NRG4: variants seen among roughly 807,000 people sequenced by gnomAD.
NRG4 encodes the protein pro-neuregulin-4, membrane-bound isoform.
A neutral mutation model predicts 15.0 loss-of-function variants in NRG4; 10 were observed. That is an observed-to-expected ratio of 0.67 (90% CI 0.41 to 1.13). The LOEUF is 1.13. Ranked by LOEUF, NRG4 falls within the 50% of genes most tolerant of loss-of-function variation. The probability of loss-of-function intolerance (pLI) is 0.00; values close to 1 mark genes in which losing one functional copy is unlikely to be tolerated. For missense variants in NRG4, 139 were observed against 140.2 expected (o/e 0.99, Z 0.04); for synonymous variants, 41 against 50.1 (o/e 0.82, Z 0.77).
At chr15:76,016,335 C>G (rs187167366), upstream of NRG4, among the ~76,000 whole-genome samples, 7 of 152,260 alleles carry the variant, frequency 4.6e-5, no homozygotes, top group East Asian at 1.3e-3. Context: ...GTCTCTATCT[C>G]CTTCAGACTG....
chr15:75,986,854 T>C (rs2033818252), intron 3 of NRG4, among the ~76,000 whole-genome samples: 1 of 152,106 alleles, frequency 6.6e-6, no homozygotes, highest in South Asian at 2.1e-4. Context: ...TGGGCTTGAA[T>C]TGCCCTGCCA....
chr15:76,036,194 T>C lies in NRG4; in HGVS notation c.-104-203A>G, dbSNP rs1262258538. 2.0e-5 allele frequency among the ~76,000 whole-genome samples: 3 copies of C among 152,346 alleles called. No homozygotes were observed. The East Asian group carries it at 5.8e-4, about 29-fold the overall frequency. On this transcript the variant is annotated intron_variant, in intron 4 of 8. Coordinates refer to the NRG4 transcript ENST00000563910. ...AGTCAGGCCCTGGTAAAAATTTCAC[T>C]AAGGTTCTACCACCTGATGTGGTCT...
At chr15:75,974,670 G>A (rs749164394) in intron 3 of NRG4, among the ~76,000 whole-genome samples, 6 of 152,170 alleles carry the variant, frequency 3.9e-5, no homozygotes, top group Non-Finnish European at 7.3e-5. Flanking sequence ...GTGTGGCTTT[G>A]AGTGAGTTTC....
At chr15:75,991,519 C>A (rs897752986) in intron 3 of NRG4, among the ~76,000 whole-genome samples, 1 of 151,980 alleles carries the variant, frequency 6.6e-6, no homozygotes, top group Non-Finnish European at 1.5e-5. Flanking sequence ...GTGAACATAA[C>A]GTGTACATTT....
rs1379836307 is a variant in NRG4 at position 75,941,387 on chromosome 15, T to C, written c.*2251A>G. 3 of 152,210 alleles carry C rather than the reference T, an allele frequency of 2.0e-5. No individual in the cohort carries two copies. The highest frequency in any genetic ancestry group is 4.8e-5 in the African/African-American group (2 of 41,460). 9.4% of individuals were successfully genotyped at this position (152,210 alleles called of 1,614,324 possible). On this transcript the variant is annotated 3_prime_UTR_variant, in exon 6 of 6. Transcript: ENST00000394907. Reference sequence around the variant, plus strand: ...AGTATGGTGATTTTCCAATTAAATATAGAATTGTCATTTGATTCAGCAATT... The same window carrying C: ...AGTATGGTGATTTTCCAATTAAATACAGAATTGTCATTTGATTCAGCAATT...
At chr15:75,962,464 ATTC>A (rs1185279206) in intron 3 of NRG4, among the ~76,000 whole-genome samples, 1 of 148,700 alleles carries the variant, frequency 6.7e-6, no homozygotes, top group African/African-American at 2.5e-5. Flanking sequence ...ATTTATTTCT[ATTC>A]TTCTTCAATG....
chr15:76,002,647 T>C (rs1181625849), intron 3 of NRG4, among the ~76,000 whole-genome samples: 2 of 152,108 alleles, frequency 1.3e-5, no homozygotes, highest in Admixed American at 1.3e-4. Flanking sequence ...TAGAAACAGA[T>C]ACACTGTGTA....
intron 3 of NRG4, among the ~76,000 whole-genome samples, chr15:75,993,256 T>C (rs768831472): frequency 5.3e-5 from 8 of 151,678 alleles, no homozygotes; most frequent in Admixed American, 1.3e-4. Context: ...TCACTAAATT[T>C]GGAAAATTGG....
chr15:75,985,053 C>T (rs929099441), intron 3 of NRG4, among the ~76,000 whole-genome samples: 2 of 152,144 alleles, frequency 1.3e-5, no homozygotes, highest in Non-Finnish European at 2.9e-5. Context: ...CCATGTTAGC[C>T]AGGCTGGTCT....
intron 3 of NRG4, among the ~76,000 whole-genome samples, chr15:75,968,707 C>G (rs975700650): frequency 2.0e-5 from 3 of 151,730 alleles, no homozygotes; most frequent in Non-Finnish European, 2.9e-5. Context: ...TTGAGACCAG[C>G]CTGGGCAACA....
At chr15:75,981,487 AAG>A (rs1349012815) in intron 3 of NRG4, among the ~76,000 whole-genome samples, 7 of 152,142 alleles carry the variant, frequency 4.6e-5, no homozygotes, top group Admixed American at 3.3e-4. Context: ...ATAATCCTAG[AAG>A]TAAGGTGTTT....
At chr15:75,939,715 G>A (rs1398268130), downstream of NRG4, 1 of 152,142 alleles carries the variant, frequency 6.6e-6, no homozygotes. Context: ...TTCCTGGAAT[G>A]CAAGGATTGT....
chr15:76,038,830 G>A (rs1311722161), intron 4 of NRG4, among the ~76,000 whole-genome samples: 1 of 152,224 alleles, frequency 6.6e-6, no homozygotes, highest in East Asian at 1.9e-4. Context: ...CTGGCTTCAG[G>A]TCTAACCCAG....
rs2031085252 is a variant in NRG4, at chr15:75,942,379, T to C, written c.*1259A>G. 6.6e-6 allele frequency: 1 copy of C among 150,480 alleles called. No homozygotes were observed. The allele number at this position is 150,480 out of a possible 1,614,324, so 9.3% of individuals were successfully genotyped here. A position where few individuals can be genotyped will look rare whatever the true frequency, so the allele number is the denominator to read the frequency against. ...AAAGTAAAAATGTGTCAATATTGGT[T>C]AAACAAATATACCACACTAGTGCAA... On this transcript the variant is annotated 3_prime_UTR_variant, in exon 6 of 6. Coordinates refer to ENST00000394907, the MANE Select transcript of NRG4 (RefSeq NM_138573.4).
At position 75,942,791 on chromosome 15, in the gene NRG4, A is replaced by ATACT. The variant is rs1208186618; in HGVS notation, c.*843_*846dup. 2.7e-5 allele frequency: 4 copies of ATACT among 145,976 alleles called. No homozygotes were observed. Among genetic ancestry groups the ATACT allele is most frequent in the African/African-American group, 1.1e-4 (4 of 35,516 alleles). 9.0% of individuals were successfully genotyped at this position (145,976 alleles called of 1,614,324 possible). ...TCCACTGCTCCAAGACTTTATTTTC[A>ATACT]TACTTCCTTAAAGTTACTATTGCTT... On this transcript the variant is annotated 3_prime_UTR_variant, in exon 6 of 6. Transcript: ENST00000394907.
At chr15:76,028,086 A>T (rs2035362645) in intron 5 of NRG4, among the ~76,000 whole-genome samples, 1 of 152,096 alleles carries the variant, frequency 6.6e-6, no homozygotes, top group Non-Finnish European at 1.5e-5. Flanking sequence ...TTTCAAATAA[A>T]CAATTTAATG....
chr15:75,981,987 A>G lies in NRG4; in HGVS notation c.105-20013T>C, dbSNP rs558829432. Among the ~76,000 whole-genome samples the G allele has an allele frequency of 3.3e-5, 5 of 152,286 alleles. No homozygotes were observed. The East Asian group carries it at 5.8e-4, about 18-fold the overall frequency. ...TACAGACTGATTTACAGAGAAGAAA[A>G]TTCAAATAGATCATTCTCCATAAAA... On this transcript the variant is annotated intron_variant, in intron 3 of 5. Transcript: ENST00000394907.
At chr15:75,937,695 G>T (rs948585011), downstream of NRG4, 1 of 152,158 alleles carries the variant, frequency 6.6e-6, no homozygotes, top group African/African-American at 2.4e-5. Flanking sequence ...TAAAGCAGCA[G>T]AAGCCCAGTC....
At chr15:75,943,883 A>G (rs569102270) in intron 5 of NRG4, among the ~76,000 whole-genome samples, 2 of 152,212 alleles carry the variant, frequency 1.3e-5, no homozygotes, top group East Asian at 3.9e-4. Context: ...TCTCACATAT[A>G]AAGTTCCCTG....
Sources: allele counts gnomAD v4.1 joint callset (sites outside exome capture counted in the v4.1 genomes callset), GRCh38; gene constraint gnomAD v4.1.1; transcripts MANE v1.5; gene names NCBI Gene and HGNC (gene_info 2026-07-23, HGNC 2026-07-21).